Variants in GRM1 observed in about 807,000 individuals in gnomAD.
GRM1 encodes the protein glutamate metabotropic receptor 1.
A neutral mutation model predicts 90.9 loss-of-function variants in GRM1; 33 were observed. That is an observed-to-expected ratio of 0.36 (90% CI 0.28 to 0.49). The LOEUF is 0.49. Among genes scored for constraint, GRM1 ranks in the 20% least tolerant of loss-of-function variants. The probability of loss-of-function intolerance (pLI) is 0.99; values close to 1 mark genes in which losing one functional copy is unlikely to be tolerated. For missense variants in GRM1, 1,190 were observed against 1,534.3 expected (o/e 0.78, Z 3.75); for synonymous variants, 700 against 613.2 (o/e 1.14, Z -2.09).
chr6:146,179,452 G>T (rs1778459269), intron 2 of GRM1, among the ~76,000 whole-genome samples: 1 of 152,168 alleles, frequency 6.6e-6, no homozygotes, highest in Admixed American at 6.5e-5. Flanking sequence ...AGGACAGTGT[G>T]CCTGTTGTTT....
At chr6:146,090,939 C>CA (rs1396312315) in intron 1 of GRM1, among the ~76,000 whole-genome samples, 1 of 151,926 alleles carries the variant, frequency 6.6e-6, no homozygotes, top group Non-Finnish European at 1.5e-5. Context: ...GAAAAAAAAC[C>CA]AAAAAGAGCA....
At chr6:146,085,395 T>C (rs1363386752) in intron 1 of GRM1, among the ~76,000 whole-genome samples, 1 of 152,148 alleles carries the variant, frequency 6.6e-6, no homozygotes, top group Non-Finnish European at 1.5e-5. Context: ...CTTGACCAGT[T>C]TTCGGAGAAG....
intron 2 of GRM1, among the ~76,000 whole-genome samples, chr6:146,265,414 A>G (rs1781843292): frequency 6.6e-6 from 1 of 152,190 alleles, no homozygotes; most frequent in Non-Finnish European, 1.5e-5. Context: ...AGTTCCTTGT[A>G]GATTCTGAAT....
intron 1 of GRM1, among the ~76,000 whole-genome samples, chr6:146,069,074 T>C (rs577891822): frequency 6.6e-6 from 1 of 152,186 alleles, no homozygotes; most frequent in African/African-American, 2.4e-5. Context: ...ATGTCAGTGG[T>C]CCCCAAACAT....
chr6:146,245,247 A>G (rs889267643), intron 2 of GRM1, among the ~76,000 whole-genome samples: 1 of 152,200 alleles, frequency 6.6e-6, no homozygotes, highest in Non-Finnish European at 1.5e-5. Flanking sequence ...TGTTCAAGAC[A>G]TAGGTTTAAG....
chr6:146,261,928 A>G (rs191275474), intron 2 of GRM1, among the ~76,000 whole-genome samples: 91 of 152,238 alleles, frequency 6.0e-4, no homozygotes, highest in African/African-American at 2.0e-3. Context: ...AACAGAAGCA[A>G]TGATTTGAAG....
chr6:146,194,401 A>G (rs1055079912), intron 2 of GRM1, among the ~76,000 whole-genome samples: 10 of 152,220 alleles, frequency 6.6e-5, no homozygotes, highest in Non-Finnish European at 1.5e-5. Context: ...CTTAATATCC[A>G]GCTAACACTG....
At chr6:146,335,620 G>A (rs1784746379) in intron 3 of GRM1, among the ~76,000 whole-genome samples, 1 of 151,986 alleles carries the variant, frequency 6.6e-6, no homozygotes. Context: ...CCAAGTCCTA[G>A]AACATCATTT....
chr6:146,381,950 G>T (rs1236610716), intron 5 of GRM1, among the ~76,000 whole-genome samples: 1 of 152,000 alleles, frequency 6.6e-6, no homozygotes, highest in Non-Finnish European at 1.5e-5. Context: ...AATTTCCTAT[G>T]GTATAAATGT....
chr6:146,181,257 A>G (rs1038662022), intron 2 of GRM1, among the ~76,000 whole-genome samples: 2 of 152,130 alleles, frequency 1.3e-5, no homozygotes, highest in African/African-American at 4.8e-5. Context: ...AAACAAAAAA[A>G]ACCACAACAA....
Position 146,287,434 on chromosome 6 carries a change from T to G in GRM1, c.951-17177T>G, listed in dbSNP as rs551558524. Reference sequence around the variant, plus strand: ...GGTACAGATATAAAGTTTCATTTCTTAAACTAATTCAGCTTGTGTACTATT... The same window carrying G: ...GGTACAGATATAAAGTTTCATTTCTGAAACTAATTCAGCTTGTGTACTATT... On this transcript the variant is annotated intron_variant, in intron 2 of 7. Coordinates refer to ENST00000282753, the MANE Select transcript of GRM1 (RefSeq NM_001278064.2). Among the ~76,000 whole-genome samples, 4 of 152,348 alleles carry G rather than the reference T, an allele frequency of 2.6e-5. No homozygotes were observed. In the South Asian group the frequency reaches 8.3e-4, roughly 32 times the overall value.
intron 2 of GRM1, among the ~76,000 whole-genome samples, chr6:146,259,465 G>A (rs933149712): frequency 6.6e-6 from 1 of 152,070 alleles, no homozygotes; most frequent in Non-Finnish European, 1.5e-5. Context: ...CAACTCCTGT[G>A]CCCCGCTGGC....
At chr6:146,267,641 CGCTGGGCTGGGCTGG>C (rs1244975929) in intron 2 of GRM1, among the ~76,000 whole-genome samples, 13 of 54,748 alleles carry the variant, frequency 2.4e-4, no homozygotes, top group African/African-American at 7.2e-4. Flanking sequence ...GGCTGGGCTG[CGCTGGGCTGGGCTGG>C]GCTGGGCTGG....
intron 1 of GRM1, among the ~76,000 whole-genome samples, chr6:146,079,792 C>T (rs1355640248): frequency 1.3e-5 from 2 of 152,182 alleles, no homozygotes; most frequent in Non-Finnish European, 2.9e-5. Flanking sequence ...ACTGATGTTT[C>T]ATAAAGCCAG....
chr6:146,361,998 C>T (rs752251626), intron 5 of GRM1, among the ~76,000 whole-genome samples: 1 of 152,184 alleles, frequency 6.6e-6, no homozygotes, highest in Non-Finnish European at 1.5e-5. Flanking sequence ...GAGACTGAGA[C>T]ATTGACAGAG....
In GRM1 at chr6:146,065,162, G is replaced by A. The variant is rs191562885; in HGVS notation, c.700+34945G>A. 6.2e-4 allele frequency among the ~76,000 whole-genome samples: 95 copies of A among 152,242 alleles called. No individual in the cohort carries two copies. The Middle Eastern group carries it at 0.014, about 22-fold the overall frequency. On this transcript the variant is annotated intron_variant, in intron 1 of 7. Transcript: ENST00000282753. ...AAATGCAGGAGAAAGCCTTCTTAAT[G>A]TGTACCCTGTAAAAAACATATTCAA...
intron 2 of GRM1, 44 bp downstream of exon 2, chr6:146,159,641 TCACA>T (rs1554274799): frequency 1.0e-4 from 75 of 728,646 alleles, no homozygotes; most frequent in African/African-American, 5.9e-4. Context: ...TCTCTCTCTC[TCACA>T]CACACACATG....
At chr6:146,426,910 G>A (rs1161055578) in intron 7 of GRM1, among the ~76,000 whole-genome samples, 1 of 151,582 alleles carries the variant, frequency 6.6e-6, no homozygotes, top group African/African-American at 2.4e-5. Context: ...TTTTGTTTGT[G>A]ACTCCCACTC....
intron 1 of GRM1, among the ~76,000 whole-genome samples, chr6:146,158,627 G>A (rs373798062): frequency 3.6e-4 from 55 of 152,154 alleles, no homozygotes; most frequent in African/African-American, 1.2e-3. Flanking sequence ...CATAAAATGG[G>A]GGCTAAAATC....
Sources: gnomAD v4.1 joint callset for allele counts (sites outside exome capture counted in the v4.1 genomes callset) on GRCh38, gnomAD v4.1.1 for gene constraint, MANE v1.5 for transcripts, NCBI Gene and HGNC (gene_info 2026-07-23, HGNC 2026-07-21) for gene names.